The following SLFN14 variants were observed in gnomAD, a reference collection of about 807,000 sequenced individuals.
SLFN14 encodes schlafen family member 14.
A neutral mutation model predicts 58.6 loss-of-function variants in SLFN14; 47 were observed. That is an observed-to-expected ratio of 0.80 (90% CI 0.64 to 1.02). The LOEUF (loss-of-function observed/expected upper bound fraction) is 1.02, where lower values mean the gene tolerates loss of function less well. Ranked by LOEUF, SLFN14 falls within the 50% of genes least tolerant of loss-of-function variation. The pLI is 0.00. For synonymous variants in SLFN14, 390 were observed against 387.3 expected (o/e 1.01, Z -0.08); for missense variants, 967 against 1,078.4 (o/e 0.90, Z 1.45).
At chr17:35,558,925 CAT>C (rs1039624234) in intron 2 of SLFN14, among the ~76,000 whole-genome samples, 5 of 152,030 alleles carry the variant, frequency 3.3e-5, no homozygotes, top group Admixed American at 3.3e-4. Context: ...TAAACACAAA[CAT>C]AGGCTGGGTG....
At chr17:35,553,669 C>A (rs1168528886) in intron 4 of SLFN14, among the ~76,000 whole-genome samples, 2 of 152,062 alleles carry the variant, frequency 1.3e-5, no homozygotes, top group Non-Finnish European at 2.9e-5. Flanking sequence ...GAGACGGAGT[C>A]TCGCTGTCAC....
At position 35,544,399 on chromosome 17, in the gene SLFN14, T is replaced by G. The variant is rs560955534; in HGVS notation, c.*3840A>C. 3.3e-5 allele frequency among the ~76,000 whole-genome samples: 5 copies of G among 152,228 alleles called. No homozygotes were observed. The highest frequency in any genetic ancestry group is 3.3e-4 in the Admixed American group (5 of 15,296). ...CAATTAAATGGAAAAAGCACACATA[T>G]ACGTTATAAAGTTGATGGCACAACT... On this transcript the variant is annotated 3_prime_UTR_variant, in exon 6 of 6. Transcript: ENST00000674182.
Position 35,558,036 on chromosome 17 carries a change from T to C in SLFN14, c.27A>G (p.Glu9=), listed in dbSNP as rs1323849916. 2 of 1,551,338 alleles carry C rather than the reference T, an allele frequency of 1.3e-6. No individual in the cohort carries two copies. The highest frequency in any genetic ancestry group is 3.9e-5 in the Admixed American group (2 of 50,992). Residue 9 remains glutamate, a synonymous_variant, in exon 3 of 6, where the codon GAA becomes GAG. Coordinates refer to ENST00000674182, the MANE Select transcript of SLFN14 (RefSeq NM_001129820.2). ...CTACTATTACCTCAGGATACGGCAT[T>C]TCAGTATCAGTCTTGAGACTCTCCA... MESLKTDT[E]MPYPEVIVDV... is the part of the protein sequence containing the mutation.
At chr17:35,551,479 G>T (rs1389739106) in intron 5 of SLFN14, among the ~76,000 whole-genome samples, 1 of 152,110 alleles carries the variant, frequency 6.6e-6, no homozygotes, top group East Asian at 1.9e-4. Context: ...CAATCATGTC[G>T]TACCTAAGCC....
intron 4 of SLFN14, 143 bp from the exon 5 acceptor site, chr17:35,553,587 A>C (rs1308500762): frequency 1.4e-6 from 1 of 701,284 alleles, no homozygotes; most frequent in African/African-American, 1.8e-5. Context: ...AATCAGGAGC[A>C]GTTTTACTCC....
intron 2 of SLFN14, 42 bp from the exon 3 acceptor site, chr17:35,558,148 T>C: frequency 8.5e-7 from 1 of 1,174,036 alleles, no homozygotes; most frequent in Non-Finnish European, 1.2e-6. Context: ...TTAATAAGAA[T>C]TCCAAAGATT....
At position 35,547,703 on chromosome 17, in the gene SLFN14, G is replaced by A. The variant is rs1410803453; in HGVS notation, c.*536C>T. On this transcript the variant is annotated 3_prime_UTR_variant, in exon 6 of 6. Coordinates refer to ENST00000674182, the MANE Select transcript of SLFN14 (RefSeq NM_001129820.2). ...AGCCAGTATGAGGTGCCAGTCAATT[G>A]GCTACTTTTGAGACCTATGCAGTCA... Among the ~76,000 whole-genome samples the A allele has an allele frequency of 6.6e-6, 1 of 152,184 alleles. No homozygotes were observed. The highest frequency in any genetic ancestry group is 2.4e-5 in the African/African-American group (1 of 41,446).
At position 35,560,806 on chromosome 17, in the gene SLFN14, T is replaced by C. The variant is rs1219226141; in HGVS notation, c.-163A>G. ...TTCCTCTTGCTGCTTCAGTTTCACA[T>C]CTGGCTGTAGTCTGAATGTTTGCTT... is the stretch of plus-strand genomic sequence containing the variant. On this transcript the variant is annotated 5_prime_UTR_variant, in exon 1 of 6. It removes an upstream start codon present in the reference 5' UTR. Transcript: ENST00000674182. Among the ~76,000 whole-genome samples the C allele has an allele frequency of 6.6e-6, 1 of 150,738 alleles. No homozygotes were observed. The highest frequency in any genetic ancestry group is 1.5e-5 in the Non-Finnish European group (1 of 67,806).
At position 35,557,289 on chromosome 17, in the gene SLFN14, C is replaced by T; in HGVS notation, c.774G>A (p.Lys258=). ...GTAAGTCAGGATTCACTTTTTCCCA[C>T]TTACATCCAACCACTTCTTTGCTCT... ...DDKSKEVVGC[K]WEKVNPDLLK... is the part of the protein sequence containing the mutation. Residue 258 remains lysine (K), a synonymous_variant, in exon 3 of 6, where the codon AAG becomes AAA. Coordinates refer to ENST00000674182, the MANE Select transcript of SLFN14 (RefSeq NM_001129820.2). 2 of 1,551,730 alleles carry T rather than the reference C, an allele frequency of 1.3e-6. No individual in the cohort carries two copies. Among genetic ancestry groups the T allele is most frequent in the Non-Finnish European group, 1.7e-6 (2 of 1,146,988 alleles).
rs553510309 is a variant in SLFN14 at position 35,545,790 on chromosome 17, C to A, written c.*2449G>T. Among the ~76,000 whole-genome samples the A allele has an allele frequency of 6.6e-6, 1 of 152,288 alleles. No individual in the cohort carries two copies. Among genetic ancestry groups the A allele is most frequent in the East Asian group, 1.9e-4 (1 of 5,188 alleles). On this transcript the variant is annotated 3_prime_UTR_variant, in exon 6 of 6. Transcript: ENST00000674182. The stretch of plus-strand genomic sequence containing the variant: ...AAGTTCTGGTATTACAGGCACCAGC[C>A]ACTGCACCCTGCCTGGACAACATTT...
rs1369309515 is a variant in SLFN14, at chr17:35,548,746, T to C, written c.2232A>G (p.Glu744=). 6.4e-7 allele frequency: 1 copy of C among 1,551,608 alleles called. No individual in the cohort carries two copies. The highest frequency in any genetic ancestry group is 8.7e-7 in the Non-Finnish European group (1 of 1,146,986). The change falls in exon 6 of 6, where the codon GAA becomes GAG. Residue 744 remains glutamate (E), a synonymous_variant. Transcript: ENST00000674182. ...CALEIAKVMK[E]EMKRIKENPP... is the part of the protein sequence containing the mutation. ...GATTTTCTTTGATCCTCTTCATTTC[T>C]TCTTTCATAACCTTCGCTATTTCCA...
At chr17:35,558,464 T>G (rs1409175147) in intron 2 of SLFN14, among the ~76,000 whole-genome samples, 1 of 151,968 alleles carries the variant, frequency 6.6e-6, no homozygotes. Flanking sequence ...TGCTATTTTT[T>G]TTTTTTAAGA....
In SLFN14 at chr17:35,557,750, G is replaced by T. The variant is rs554274047; in HGVS notation, c.313C>A (p.Leu105Ile). 1.3e-6 allele frequency: 2 copies of T among 1,551,728 alleles called. No homozygotes were observed. Among genetic ancestry groups the T allele is most frequent in the Admixed American group, 3.9e-5 (2 of 51,006 alleles). Reference sequence around the variant, plus strand: ...CTCCATGACTTCACAAAAATCAGGAGATTGTGCCCCTGCTGCATGTAGTCA... The same window carrying T: ...CTCCATGACTTCACAAAAATCAGGATATTGTGCCCCTGCTGCATGTAGTCA... ...YLDYMQQGHN[L>I]LIFVKSWSPD... The change falls in exon 3 of 6, where the codon CTC (leucine) becomes ATC (isoleucine). Residue 105 changes from leucine to isoleucine, a missense_variant. Physicochemically the swap from Leu to Ile is conservative, Grantham distance 5 (BLOSUM62 2). Transcript: ENST00000674182.
chr17:35,559,967 C>T (rs903920586), intron 1 of SLFN14, among the ~76,000 whole-genome samples, 162 bp from the exon 2 acceptor site: 1 of 152,146 alleles, frequency 6.6e-6, no homozygotes, highest in South Asian at 2.1e-4. Flanking sequence ...CTTTAAAGAT[C>T]CTCCAGTCCA....
At chr17:35,549,098 T>C (rs1268992520) in intron 5 of SLFN14, 25 bp from the exon 6 acceptor site, 2 of 1,522,600 alleles carry the variant, frequency 1.3e-6, no homozygotes, top group Non-Finnish European at 1.8e-6. Context: ...AAAACAGGGC[T>C]TGAGGCATAT....
chr17:35,553,471 C>A, intron 4 of SLFN14, 27 bp from the exon 5 acceptor site: 1 of 1,465,758 alleles, frequency 6.8e-7, no homozygotes, highest in Non-Finnish European at 9.1e-7. Context: ...TAGATGTTAC[C>A]AAAACTTACA....
rs10641330 is a variant in SLFN14 at position 35,544,528 on chromosome 17, C to CTT, written c.*3709_*3710dup. Among the ~76,000 whole-genome samples the CTT allele has an allele frequency of 0.093, 13,062 of 139,774 alleles. 982 individuals are homozygous for CTT. Among genetic ancestry groups the CTT allele is most frequent in the African/African-American group, 0.2 (7,554 of 37,556 alleles). The allele number at this position is 139,774 out of a possible 152,430, so 91.7% of individuals were successfully genotyped here. ...CCCAGATAACAAGATGATTTAAGAA[C>CTT]TTTTTTTTTTTTTTTTTGAGACAGA... is the stretch of plus-strand genomic sequence containing the variant. On this transcript the variant is annotated 3_prime_UTR_variant, in exon 6 of 6. Transcript: ENST00000674182.
Position 35,553,203 on chromosome 17 carries a change from A to G in SLFN14, c.1431T>C (p.Asn477=), listed in dbSNP as rs887476419. The change falls in exon 5 of 6, where the codon AAT becomes AAC. Residue 477 remains asparagine (N), a synonymous_variant. Transcript: ENST00000674182. ...VVLYTILIDP[N]WPGGLEYARN... The stretch of plus-strand genomic sequence containing the variant: ...GGGCATATTCAAGTCCTCCAGGCCA[A>G]TTGGGGTCTATTAAGATTGTATAGA... The G allele has an allele frequency of 7.7e-6, 12 of 1,551,580 alleles. No homozygotes were observed. Among genetic ancestry groups the G allele is most frequent in the African/African-American group, 5.5e-5 (4 of 73,038 alleles).
At chr17:35,559,879 T>G (rs568397361) in intron 1 of SLFN14, among the ~76,000 whole-genome samples, 74 bp from the exon 2 acceptor site, 1 of 152,376 alleles carries the variant, frequency 6.6e-6, no homozygotes, top group East Asian at 1.9e-4. Context: ...CATGTAAATG[T>G]AGTATTTTAT....
Sources: allele counts gnomAD v4.1 joint callset (sites outside exome capture counted in the v4.1 genomes callset), GRCh38; gene constraint gnomAD v4.1.1; transcripts MANE v1.5; gene names NCBI Gene and HGNC (gene_info 2026-07-23, HGNC 2026-07-21).